POTEI: variants seen among roughly 807,000 people sequenced by gnomAD.
POTEI encodes POTE ankyrin domain family member I, also known as POTE ankyrin domain family, member I.
In POTEI, 14 loss-of-function variants were observed where a neutral mutation model predicts 43.4. That is an observed-to-expected ratio of 0.32 (90% CI 0.21 to 0.50). The LOEUF is 0.50. Ranked by LOEUF, POTEI falls within the 20% of genes least tolerant of loss-of-function variation. POTEI has a pLI of 0.98. For missense variants in POTEI, 235 were observed against 795.4 expected, an observed-to-expected ratio of 0.30 and a Z score of 8.47; for synonymous variants, 95 against 297.9, an observed-to-expected ratio of 0.32 and a Z score of 7.01.
At chr2:130,464,778 C>T (rs1428732736) in intron 14 of POTEI, among the ~76,000 whole-genome samples, 1 of 148,368 alleles carries the variant, frequency 6.7e-6, no homozygotes, top group East Asian at 2.1e-4. Flanking sequence ...TCCACTTCTA[C>T]ATATAACACT....
At chr2:130,474,231 G>A (rs1394668401) in intron 13 of POTEI, 147 bp downstream of exon 13, 1 of 582,448 alleles carries the variant, frequency 1.7e-6, no homozygotes, top group African/African-American at 1.9e-5. Context: ...GTAACTGATT[G>A]TTTGCTGATT....
Position 130,508,697 on chromosome 2 carries a change from C to CA in POTEI, c.521+17dup. Reference sequence around the variant, plus strand: ...CATCCCCCGACCTCCCACCTCCTCCCAGCCCAGGCCTGGTTACCTCTTTTG... The same window carrying CA: ...CATCCCCCGACCTCCCACCTCCTCCCAAGCCCAGGCCTGGTTACCTCTTTTG... On this transcript the variant is annotated intron_variant, in intron 1 of 14. Transcript: ENST00000451531. The CA allele has an allele frequency of 1.0e-6, 1 of 961,454 alleles. No individual in the cohort carries two copies. The highest frequency in any genetic ancestry group is 3.3e-4 in the Middle Eastern group (1 of 3,058). The allele number at this position is 961,454 out of a possible 1,614,324, so 59.6% of individuals were successfully genotyped here.
At chr2:130,477,104 T>C (rs1388520596) in intron 10 of POTEI, among the ~76,000 whole-genome samples, 1 of 151,304 alleles carries the variant, frequency 6.6e-6, no homozygotes, top group Non-Finnish European at 1.5e-5. Context: ...CTTCCTAATA[T>C]CTAAAATGTT....
intron 9 of POTEI, among the ~76,000 whole-genome samples, chr2:130,482,795 C>T (rs1430049354): frequency 6.9e-6 from 1 of 145,632 alleles, no homozygotes; most frequent in Non-Finnish European, 1.5e-5. Context: ...ATCAATCACG[C>T]CAAGGGCAGA....
chr2:130,461,324 C>T lies in POTEI; in HGVS notation c.*1492G>A, dbSNP rs1485619257. 2 of 152,048 alleles carry T rather than the reference C, an allele frequency of 1.3e-5. No individual in the cohort carries two copies. The highest frequency in any genetic ancestry group is 2.9e-5 in the Non-Finnish European group (2 of 68,044). 9.4% of individuals were successfully genotyped at this position (152,048 alleles called of 1,614,324 possible). ...ACAGCAAAGATGACAATCTGGTCCT[C>T]CCCCTGGGAGCTCTGACTCAGGGAG... On this transcript the variant is annotated 3_prime_UTR_variant, in exon 15 of 15. Coordinates refer to ENST00000451531, the MANE Select transcript of POTEI (RefSeq NM_001277406.2).
intron 10 of POTEI, among the ~76,000 whole-genome samples, chr2:130,477,304 C>A (rs1421717135): frequency 1.4e-5 from 2 of 145,542 alleles, no homozygotes; most frequent in Non-Finnish European, 3.0e-5. Context: ...CAGGCAAGCA[C>A]CACCACACCC....
rs1396949541 is a variant in POTEI, at chr2:130,495,394, T to C, written c.1126+1158A>G. ...CTAAAAGACATTTGATAGTTATATG[T>C]TAAGTGGACAAGTGAAAACATAAAT... On this transcript the variant is annotated intron_variant, in intron 6 of 14. Transcript: ENST00000451531. Among the ~76,000 whole-genome samples, 4 of 45,968 alleles carry C rather than the reference T, an allele frequency of 8.7e-5. 2 individuals are homozygous for C. Among genetic ancestry groups the C allele is most frequent in the Non-Finnish European group, 2.1e-4 (4 of 18,614 alleles). The allele number at this position is 45,968 out of a possible 152,430, so 30.2% of individuals were successfully genotyped here.
intron 6 of POTEI, among the ~76,000 whole-genome samples, chr2:130,495,860 A>G (rs1377856295): frequency 6.5e-5 from 3 of 46,172 alleles, no homozygotes; most frequent in African/African-American, 1.5e-4. Flanking sequence ...TCCAACTTCA[A>G]ATGAGGAGGA....
chr2:130,485,200 T>C (rs1302639437), intron 9 of POTEI, among the ~76,000 whole-genome samples: 2 of 151,502 alleles, frequency 1.3e-5, no homozygotes, highest in Admixed American at 6.6e-5. Flanking sequence ...CACTAGCATA[T>C]ACACAATAGA....
intron 10 of POTEI, among the ~76,000 whole-genome samples, chr2:130,477,083 G>A (rs1292482667): frequency 2.0e-5 from 3 of 150,330 alleles, no homozygotes; most frequent in African/African-American, 7.5e-5. Flanking sequence ...ACCTTTATTA[G>A]TGTACAACGT....
intron 13 of POTEI, among the ~76,000 whole-genome samples, 160 bp downstream of exon 13, chr2:130,474,218 A>C (rs1481373595): frequency 8.9e-4 from 134 of 151,388 alleles, no homozygotes; most frequent in African/African-American, 2.9e-3. Context: ...TGGAAAAAAA[A>C]CGGTAACTGA....
rs1263357779 is a variant in POTEI at position 130,460,477 on chromosome 2, C to G, written c.*2339G>C. ...TAAAGTGCTGGGATAAAGTGTCTCA[C>G]AAGGGCAAGTGGACCCTAGAGAGAC... is the stretch of plus-strand genomic sequence containing the variant. On this transcript the variant is annotated 3_prime_UTR_variant, in exon 15 of 15. Coordinates refer to ENST00000451531, the MANE Select transcript of POTEI (RefSeq NM_001277406.2). 1 of 151,716 alleles carries G rather than the reference C, an allele frequency of 6.6e-6. No individual in the cohort carries two copies. The highest frequency in any genetic ancestry group is 2.4e-5 in the African/African-American group (1 of 41,224). The allele number at this position is 151,716 out of a possible 1,614,324, so 9.4% of individuals were successfully genotyped here.
At chr2:130,467,641 A>G (rs1370831993) in intron 13 of POTEI, among the ~76,000 whole-genome samples, 3 of 152,012 alleles carry the variant, frequency 2.0e-5, no homozygotes, top group Non-Finnish European at 2.9e-5. Context: ...TAAACTAAAA[A>G]GCTTCAGCAC....
Position 130,461,218 on chromosome 2 carries a change from G to A in POTEI, c.*1598C>T, listed in dbSNP as rs1324465514. 2.6e-5 allele frequency: 4 copies of A among 151,428 alleles called. No individual in the cohort carries two copies. The highest frequency in any genetic ancestry group is 9.8e-5 in the African/African-American group (4 of 40,762). The allele number at this position is 151,428 out of a possible 1,614,324, so 9.4% of individuals were successfully genotyped here. On this transcript the variant is annotated 3_prime_UTR_variant, in exon 15 of 15. Coordinates refer to ENST00000451531, the MANE Select transcript of POTEI (RefSeq NM_001277406.2). ...GGCCACGTTTTTATAGAGCAGCTGT[G>A]CTGTGCTGGGGGTTCACTTCAGCCC...
At chr2:130,496,809 AT>A (rs1683926189) in intron 5 of POTEI, among the ~76,000 whole-genome samples, 187 bp from the exon 6 acceptor site, 2 of 122,718 alleles carry the variant, frequency 1.6e-5, no homozygotes, top group African/African-American at 2.8e-5. Flanking sequence ...GACGAAAAAA[AT>A]GTAAGGTGAA....
In POTEI at chr2:130,495,189, C is replaced by T. The variant is rs1320744899; in HGVS notation, c.1126+1363G>A. Among the ~76,000 whole-genome samples, 150 of 46,578 alleles carry T rather than the reference C, an allele frequency of 3.2e-3. 66 individuals carry two copies. The highest frequency in any genetic ancestry group is 7.4e-3 in the Non-Finnish European group (137 of 18,604). The allele number at this position is 46,578 out of a possible 152,430, so 30.6% of individuals were successfully genotyped here. A position where few individuals can be genotyped will look rare whatever the true frequency, so the allele number is the denominator to read the frequency against. On this transcript the variant is annotated intron_variant, in intron 6 of 14. Coordinates refer to ENST00000451531, the MANE Select transcript of POTEI (RefSeq NM_001277406.2). ...ACTTTTTCCCAAAACTTTCATTCCT[C>T]ATATGTCTGGCACATAATCAATATA...
intron 10 of POTEI, among the ~76,000 whole-genome samples, chr2:130,478,811 G>A (rs4044393): frequency 2.9e-5 from 1 of 34,102 alleles, no homozygotes; most frequent in Non-Finnish European, 5.4e-5. Context: ...TTTCTGTCAC[G>A]GACGATGATG....
At chr2:130,484,937 G>A (rs1293491759) in intron 9 of POTEI, among the ~76,000 whole-genome samples, 1 of 152,128 alleles carries the variant, frequency 6.6e-6, no homozygotes, top group African/African-American at 2.4e-5. Flanking sequence ...TTAGATATGA[G>A]GTGTCAGAGG....
At chr2:130,504,986 G>T (rs1210593995) in intron 1 of POTEI, among the ~76,000 whole-genome samples, 1 of 131,648 alleles carries the variant, frequency 7.6e-6, no homozygotes, top group Non-Finnish European at 1.6e-5. Context: ...CACCAAGGGT[G>T]TTGGTTGTAC....
Sources: gnomAD v4.1 joint callset for allele counts (sites outside exome capture counted in the v4.1 genomes callset) on GRCh38, gnomAD v4.1.1 for gene constraint, MANE v1.5 for transcripts, NCBI Gene and HGNC (gene_info 2026-07-23, HGNC 2026-07-21) for gene names.